The following MYBPH variants were observed in gnomAD, a reference collection of about 807,000 sequenced individuals.
MYBPH encodes the protein myosin binding protein H.
In MYBPH, 49 loss-of-function variants were observed where a neutral mutation model predicts 53.6. That is an observed-to-expected ratio of 0.91 (90% confidence interval 0.73 to 1.16). The LOEUF (loss-of-function observed/expected upper bound fraction) is 1.16, where lower values mean the gene tolerates loss of function less well. MYBPH is among the 50% of genes most tolerant of loss of function. The probability of loss-of-function intolerance (pLI) is 0.00; values close to 1 mark genes in which losing one functional copy is unlikely to be tolerated. For synonymous variants in MYBPH, 239 were observed against 249.6 expected, an observed-to-expected ratio of 0.96 and a Z score of 0.40; for missense variants, 558 against 624.1, an observed-to-expected ratio of 0.89 and a Z score of 1.13.
At position 203,171,804 on chromosome 1, in the gene MYBPH, A is replaced by T. The variant is rs1655704367; in HGVS notation, c.597+148T>A. On this transcript the variant is annotated intron_variant, in intron 4 of 10. Coordinates refer to ENST00000255416, the MANE Select transcript of MYBPH (RefSeq NM_004997.3). This position sits in a 1 kb window ranked among gnomAD's most constrained non-coding sequence, Gnocchi z 4.2. ...CCCATCCACAGGCTGAGAATCACCAATGAGTCATGTGCATGATTGCGGAAG... is the reference window on the plus strand; with the variant it reads ...CCCATCCACAGGCTGAGAATCACCATTGAGTCATGTGCATGATTGCGGAAG... 15 of 720,632 alleles carry T rather than the reference A, an allele frequency of 2.1e-5. No individual in the cohort carries two copies. Among genetic ancestry groups the T allele is most frequent in the Non-Finnish European group, 3.3e-5 (15 of 457,124 alleles). The allele number at this position is 720,632 out of a possible 1,614,324, so 44.6% of individuals were successfully genotyped here.
intron 2 of MYBPH, 131 bp downstream of exon 2, chr1:203,175,196 G>A (rs1655780887): frequency 3.4e-6 from 4 of 1,181,546 alleles, no homozygotes; most frequent in East Asian, 2.8e-5. Flanking sequence ...GTGGGTTGAG[G>A]AGCCTACTGC....
At chr1:203,178,842 C>G (rs1655866007), upstream of MYBPH, 1 of 152,208 alleles carries the variant, frequency 6.6e-6, no homozygotes, top group East Asian at 1.9e-4. Flanking sequence ...GGTCCCAAGG[C>G]TCAGAGGAAG....
chr1:203,172,174 G>A (rs1655714082), intron 3 of MYBPH, 134 bp from the exon 4 acceptor site: 2 of 467,130 alleles, frequency 4.3e-6, no homozygotes, highest in Non-Finnish European at 7.0e-6. Context: ...CTGCCATGGG[G>A]TCCCTCCTTG....
intron 3 of MYBPH, 22 bp downstream of exon 3, chr1:203,174,407 CT>C (rs1655757655): frequency 3.2e-6 from 5 of 1,557,256 alleles, no homozygotes; most frequent in Non-Finnish European, 4.4e-6. Flanking sequence ...GGCTGGGTAG[CT>C]GAAGGCCAGG....
In MYBPH at chr1:203,171,023, T is replaced by G; in HGVS notation, c.933+38A>C. 6.5e-7 allele frequency: 1 copy of G among 1,549,124 alleles called. No individual in the cohort carries two copies. On this transcript the variant is annotated intron_variant, in intron 6 of 10. Transcript: ENST00000255416. The surrounding 1 kb of genome is among the most constrained non-coding windows in gnomAD (Gnocchi z 4.2). ...GGGCCTTCCCCACCACCTTGACCAC[T>G]TCGTACCCCGACCCCACTTTGCCTC...
At chr1:203,178,236 T>C (rs1655853054), upstream of MYBPH, among the ~76,000 whole-genome samples, 1 of 152,168 alleles carries the variant, frequency 6.6e-6, no homozygotes, top group Non-Finnish European at 1.5e-5. Context: ...CATCACATCC[T>C]CCCGACCTCC....
At position 203,171,617 on chromosome 1, in the gene MYBPH, G is replaced by A. The variant is rs765560099; in HGVS notation, c.598-39C>T. 2 of 1,565,278 alleles carry A rather than the reference G, an allele frequency of 1.3e-6. No individual in the cohort carries two copies. The highest frequency in any genetic ancestry group is 3.7e-5 in the Admixed American group (2 of 54,660). On this transcript the variant is annotated intron_variant, in intron 4 of 10. Transcript: ENST00000255416. The surrounding 1 kb of genome is among the most constrained non-coding windows in gnomAD (Gnocchi z 4.2). Reference sequence around the variant, plus strand: ...GCCCCCAGGGTGAGTGTAGGGAGGTGCCAGAGTCCCCACACCTCCTTAACT... The same window carrying A: ...GCCCCCAGGGTGAGTGTAGGGAGGTACCAGAGTCCCCACACCTCCTTAACT...
At chr1:203,177,511 G>A (rs555258015), upstream of MYBPH, among the ~76,000 whole-genome samples, 2 of 152,328 alleles carry the variant, frequency 1.3e-5, no homozygotes, top group Non-Finnish European at 2.9e-5. Context: ...TCTCTGCTGG[G>A]GAGTGGCAGT....
chr1:203,169,400 G>A lies in MYBPH; in HGVS notation c.1094-11C>T, dbSNP rs780671122. On this transcript the variant is annotated splice_polypyrimidine_tract_variant and intron_variant, in intron 7 of 10. Transcript: ENST00000255416. ...GTTTGGCAGCAATATCTGGGTTCAG[G>A]GGAGAAAGTCGGGTGCATCTGAGCT... The A allele has an allele frequency of 9.6e-6, 15 of 1,559,114 alleles. No homozygotes were observed. In the South Asian group the frequency reaches 1.5e-4, roughly 16 times the overall value.
In MYBPH at chr1:203,175,566, C is replaced by T. The variant is rs771833431; in HGVS notation, c.190G>A (p.Ala64Thr). Residue 64 changes from alanine to threonine, a missense_variant, in exon 1 of 11, where the codon GCA becomes ACA. By Grantham distance (58) the Ala-to-Thr change is moderately conservative. Coordinates refer to ENST00000255416, the MANE Select transcript of MYBPH (RefSeq NM_004997.3). The part of the protein sequence containing the change: ...APTASTATKP[A>T]PPSEDVPSAP... ...CTTCAGTCACCTTCACTTGGGGGTG[C>T]AGGCTTAGTGGCTGTGGAGGCTGTA... 6 of 1,613,954 alleles carry T rather than the reference C, an allele frequency of 3.7e-6. No individual in the cohort carries two copies. In the East Asian group the frequency reaches 8.9e-5, roughly 24 times the overall value.
chr1:203,174,013 G>A lies in MYBPH; in HGVS notation c.508+417C>T, dbSNP rs187430553. ...CATGGTGGAACAAGGGGCAAGCAGC[G>A]CCTTCTCTCTGTTTCAAGACCTTTG... On this transcript the variant is annotated intron_variant, in intron 3 of 10. Coordinates refer to ENST00000255416, the MANE Select transcript of MYBPH (RefSeq NM_004997.3). Among the ~76,000 whole-genome samples the A allele has an allele frequency of 6.6e-4, 101 of 152,290 alleles. No individual in the cohort carries two copies. In the East Asian group the frequency reaches 0.012, roughly 17 times the overall value.
chr1:203,170,512 T>G, intron 6 of MYBPH, 62 bp from the exon 7 acceptor site: 1 of 1,571,136 alleles, frequency 6.4e-7, no homozygotes, highest in Admixed American at 1.8e-5. Context: ...CTGCTTACCC[T>G]GGAGACCTTT....
chr1:203,174,264 A>G, intron 3 of MYBPH, 166 bp downstream of exon 3: 1 of 966,414 alleles, frequency 1.0e-6, no homozygotes, highest in East Asian at 1.2e-4. Flanking sequence ...CTGCTGAGGA[A>G]CCTGGAACTT....
chr1:203,174,672 G>T, intron 2 of MYBPH, 75 bp from the exon 3 acceptor site: 1 of 1,367,728 alleles, frequency 7.3e-7, no homozygotes, highest in Admixed American at 2.9e-5. Context: ...TTCTTTTCCT[G>T]CTGGTGATCT....
chr1:203,168,785 A>T (rs1339901599), intron 9 of MYBPH, 110 bp from the exon 10 acceptor site: 3 of 1,588,832 alleles, frequency 1.9e-6, no homozygotes, highest in Non-Finnish European at 1.7e-6. Flanking sequence ...GAAAGTAATC[A>T]GCACAGCCTG....
At chr1:203,177,218 C>T (rs958262220), upstream of MYBPH, among the ~76,000 whole-genome samples, 1 of 152,098 alleles carries the variant, frequency 6.6e-6, no homozygotes, top group Non-Finnish European at 1.5e-5. Flanking sequence ...GTTAGGATGG[C>T]GATTGCCTCT....
In MYBPH at chr1:203,169,308, G is replaced by T. The variant is rs767426218; in HGVS notation, c.1175C>A (p.Thr392Asn). The T allele has an allele frequency of 6.2e-5, 100 of 1,613,500 alleles. No homozygotes were observed. The highest frequency in any genetic ancestry group is 8.1e-5 in the Non-Finnish European group (96 of 1,179,774). Residue 392 changes from threonine to asparagine, a missense_variant, in exon 8 of 11, where the codon ACC becomes AAC. Physicochemically the swap from Thr to Asn is moderately conservative, Grantham distance 65. Transcript: ENST00000255416. ...PSFTQPLADH[T>N]STPGYSTQLF... ...CTGGGTGCTGTAGCCAGGGGTGGAG[G>T]TGTGGTCAGCCAGGGGCTGGGTGAA...
intron 7 of MYBPH, 117 bp downstream of exon 7, chr1:203,170,174 G>A (rs921614374): frequency 3.1e-6 from 4 of 1,289,590 alleles, no homozygotes; most frequent in Non-Finnish European, 3.2e-6. Context: ...TGAGGAGACG[G>A]CAAGTGTTCC....
In MYBPH at chr1:203,175,430, C is replaced by A. The variant is rs1655787809; in HGVS notation, c.237G>T (p.Leu79=). 6.4e-7 allele frequency: 1 copy of A among 1,566,526 alleles called. No individual in the cohort carries two copies. The highest frequency in any genetic ancestry group is 8.7e-7 in the Non-Finnish European group (1 of 1,155,078). ...TCACAGAGCTGCTGCTCACATCATC[C>A]AGGGTCAGCAGCAGTGGGGCACTGG... ...DVPSAPLLLT[L]DDVSSSSVTV... The change falls in exon 2 of 11, where the codon CTG becomes CTT. Residue 79 remains leucine (L), a synonymous_variant. Coordinates refer to ENST00000255416, the MANE Select transcript of MYBPH (RefSeq NM_004997.3).
Sources: allele counts gnomAD v4.1 joint callset (sites outside exome capture counted in the v4.1 genomes callset), GRCh38; gene constraint gnomAD v4.1.1; non-coding constraint Gnocchi (gnomAD v3.1); transcripts MANE v1.5; gene names NCBI Gene and HGNC (gene_info 2026-07-23, HGNC 2026-07-21).